The following GRAMD1C variants were observed in gnomAD, a reference collection of about 807,000 sequenced individuals.
GRAMD1C encodes protein Aster-C.
A neutral mutation model predicts 97.8 loss-of-function variants in GRAMD1C; 89 were observed. The ratio of observed to expected loss-of-function variants is 0.91; its 90% confidence interval spans 0.77 to 1.09. GRAMD1C has a LOEUF of 1.09. Ranked by LOEUF, GRAMD1C falls within the 50% of genes least tolerant of loss-of-function variation. The probability of loss-of-function intolerance (pLI) is 0.00; values close to 1 mark genes in which losing one functional copy is unlikely to be tolerated. For missense variants in GRAMD1C, 740 were observed against 766.4 expected, an observed-to-expected ratio of 0.97 and a Z score of 0.41; for synonymous variants, 256 against 267.0, an observed-to-expected ratio of 0.96 and a Z score of 0.40.
At chr3:113,887,085 G>GTTTTTGTTT (rs1935524224) in intron 6 of GRAMD1C, among the ~76,000 whole-genome samples, 3 of 71,456 alleles carry the variant, frequency 4.2e-5, no homozygotes, top group South Asian at 6.0e-4. Context: ...TGGCCTTTTT[G>GTTTTTGTTT]TTTTTTTTTT....
chr3:113,936,500 A>C (rs1426072499), intron 14 of GRAMD1C, 58 bp downstream of exon 14: 2 of 1,093,386 alleles, frequency 1.8e-6, no homozygotes, highest in African/African-American at 3.1e-5. Context: ...TATGAAGCAG[A>C]ATGTGCCTCT....
At chr3:113,857,378 C>T (rs1934180195) in intron 2 of GRAMD1C, among the ~76,000 whole-genome samples, 1 of 128,194 alleles carries the variant, frequency 7.8e-6, no homozygotes, top group African/African-American at 2.8e-5. Flanking sequence ...TCTTGTATTC[C>T]TTTTTTTTTT....
At chr3:113,915,268 C>G (rs981324326) in intron 9 of GRAMD1C, among the ~76,000 whole-genome samples, 1 of 152,108 alleles carries the variant, frequency 6.6e-6, no homozygotes, top group African/African-American at 2.4e-5. Flanking sequence ...ATATTATAGC[C>G]ATTGATAAAT....
At chr3:113,842,623 TGATTAGAG>T (rs1486795685) in intron 1 of GRAMD1C, among the ~76,000 whole-genome samples, 1 of 152,174 alleles carries the variant, frequency 6.6e-6, no homozygotes, top group Non-Finnish European at 1.5e-5. Flanking sequence ...AGTATCATTG[TGATTAGAG>T]GCTTCCCCCA....
intron 2 of GRAMD1C, among the ~76,000 whole-genome samples, chr3:113,847,661 G>C (rs1036053677): frequency 1.3e-5 from 2 of 152,186 alleles, no homozygotes; most frequent in Non-Finnish European, 2.9e-5. Context: ...AATATGATGG[G>C]GAATTCACTG....
intron 1 of GRAMD1C, among the ~76,000 whole-genome samples, chr3:113,843,354 G>A (rs111342431): frequency 3.3e-5 from 5 of 151,994 alleles, no homozygotes; most frequent in African/African-American, 1.2e-4. Context: ...TGGGATTATA[G>A]GCATGAGTCA....
chr3:113,927,236 G>A (rs1388909505), intron 10 of GRAMD1C, among the ~76,000 whole-genome samples: 1 of 152,104 alleles, frequency 6.6e-6, no homozygotes, highest in Admixed American at 6.6e-5. Context: ...ATGGTTTGTA[G>A]TAGTGTTCTG....
In GRAMD1C at chr3:113,915,757, A is replaced by G; in HGVS notation, c.1009A>G (p.Ile337Val). The G allele has an allele frequency of 6.2e-7, 1 of 1,609,386 alleles. No homozygotes were observed. The highest frequency in any genetic ancestry group is 2.2e-5 in the East Asian group (1 of 44,750). ...ACTTTTTATCAACCGTATTTTTCAT[A>G]TCAGTGCTGACAGAATGTTTGAATT... ...GRLFINRIFH[I>V]SADRMFELLF... is the part of the protein sequence containing the mutation. Residue 337 changes from isoleucine to valine, a missense_variant, in exon 10 of 18, where the codon ATC becomes GTC. Transcript: ENST00000358160.
chr3:113,938,111 T>C lies in GRAMD1C; in HGVS notation c.1659T>C (p.Tyr553=), dbSNP rs1268533801. The change falls in exon 15 of 18, where the codon TAT becomes TAC. Residue 553 remains tyrosine, a synonymous_variant. Coordinates refer to ENST00000358160, the MANE Select transcript of GRAMD1C (RefSeq NM_017577.5). ...GAAAGAAAAAGGAAATGGAAAACTA[T>C]AACGTCACTCTTATTGTGGTAATGA... The part of the protein sequence containing the change: ...ITGKKKEMEN[Y]NVTLIVVMSI... The C allele has an allele frequency of 1.3e-6, 2 of 1,537,600 alleles. No homozygotes were observed. The highest frequency in any genetic ancestry group is 2.3e-5 in the East Asian group (1 of 43,686).
intron 2 of GRAMD1C, chr3:113,850,211 A>G (rs921829028): frequency 1.9e-5 from 10 of 516,828 alleles, no homozygotes; most frequent in Non-Finnish European, 3.0e-5. Flanking sequence ...CGTTTATTCA[A>G]TGCAAAATAA....
intron 15 of GRAMD1C, chr3:113,938,445 G>A: frequency 4.6e-6 from 1 of 215,362 alleles, no homozygotes; most frequent in Admixed American, 5.9e-5. Context: ...AAATTTAAAG[G>A]GAATATTTAT....
chr3:113,906,457 C>T (rs958576753), intron 8 of GRAMD1C, among the ~76,000 whole-genome samples: 1 of 150,864 alleles, frequency 6.6e-6, no homozygotes, highest in Admixed American at 6.6e-5. Context: ...TTAAAAATAA[C>T]AAAATAAGAA....
chr3:113,846,110 ATT>A lies in GRAMD1C; in HGVS notation c.174+1473_174+1474del, dbSNP rs60131213. On this transcript the variant is annotated intron_variant, in intron 2 of 17. Transcript: ENST00000358160. ...GTAGTATTATGACCTTTCTGCACTA[ATT>A]TTTTTTTTTTTGAGGCAGAGTTTCG... Among the ~76,000 whole-genome samples, 762 of 144,026 alleles carry A rather than the reference ATT, an allele frequency of 5.3e-3. 5 individuals are homozygous for A. The highest frequency in any genetic ancestry group is 0.013 in the African/African-American group (530 of 39,270). The allele number at this position is 144,026 out of a possible 152,430, so 94.5% of individuals were successfully genotyped here. A position where few individuals can be genotyped will look rare whatever the true frequency, so the allele number is the denominator to read the frequency against.
At chr3:113,917,160 A>G (rs1186816608) in intron 10 of GRAMD1C, among the ~76,000 whole-genome samples, 2 of 152,096 alleles carry the variant, frequency 1.3e-5, no homozygotes, top group African/African-American at 4.8e-5. Flanking sequence ...AAATAAATAA[A>G]TAAAGTTTGA....
At chr3:113,899,603 C>T (rs1936072907) in intron 6 of GRAMD1C, among the ~76,000 whole-genome samples, 1 of 152,170 alleles carries the variant, frequency 6.6e-6, no homozygotes, top group Non-Finnish European at 1.5e-5. Context: ...ATCTTACTAA[C>T]AATTGCTTCA....
chr3:113,865,178 T>A (rs966043132), intron 2 of GRAMD1C, among the ~76,000 whole-genome samples: 1 of 151,938 alleles, frequency 6.6e-6, no homozygotes, highest in Non-Finnish European at 1.5e-5. Context: ...CCTGCTCTTT[T>A]GGTAATTAAT....
In GRAMD1C at chr3:113,869,568, C is replaced by T; in HGVS notation, c.236C>T (p.Pro79Leu). 1 of 1,531,370 alleles carries T rather than the reference C, an allele frequency of 6.5e-7. No individual in the cohort carries two copies. Among genetic ancestry groups the T allele is most frequent in the Non-Finnish European group, 8.9e-7 (1 of 1,119,414 alleles). The allele number at this position is 1,531,370 out of a possible 1,614,324, so 94.9% of individuals were successfully genotyped here. Residue 79 changes from proline (P) to leucine (L), a missense_variant, in exon 3 of 18, where the codon CCT becomes CTT. Physicochemically the swap from Pro to Leu is moderately conservative, Grantham distance 98. Coordinates refer to ENST00000358160, the MANE Select transcript of GRAMD1C (RefSeq NM_017577.5). ...EEYRRQFTHL[P>L]DTERLIADYA... Reference sequence around the variant, plus strand: ...TACAGAAGACAGTTCACACATCTACCTGATACAGAGAGGCTGATAGCAGGT... The same window carrying T: ...TACAGAAGACAGTTCACACATCTACTTGATACAGAGAGGCTGATAGCAGGT...
At chr3:113,845,380 C>G (rs568139756) in intron 2 of GRAMD1C, among the ~76,000 whole-genome samples, 61 of 152,214 alleles carry the variant, frequency 4.0e-4, no homozygotes, top group Non-Finnish European at 4.0e-4. Context: ...ATGTATAGTT[C>G]CAATTAGTTC....
At chr3:113,921,825 T>G (rs116111171) in intron 10 of GRAMD1C, among the ~76,000 whole-genome samples, 2,733 of 152,296 alleles carry the variant, frequency 0.018, 46 homozygotes, top group Non-Finnish European at 0.028. Context: ...TTTTGCTTAT[T>G]AATTTCTTTA....
Sources: gnomAD v4.1 joint callset for allele counts (sites outside exome capture counted in the v4.1 genomes callset) on GRCh38, gnomAD v4.1.1 for gene constraint, MANE v1.5 for transcripts, NCBI Gene and HGNC (gene_info 2026-07-23, HGNC 2026-07-21) for gene names.